The following ZCCHC7 variants were observed in gnomAD, a reference collection of about 807,000 sequenced individuals.
The protein encoded by ZCCHC7 is zinc finger CCHC domain-containing protein 7.
In ZCCHC7, 35 loss-of-function variants were observed where a neutral mutation model predicts 52.0. That is an observed-to-expected ratio of 0.67 (90% CI 0.51 to 0.89). The LOEUF (loss-of-function observed/expected upper bound fraction) is 0.89, where lower values mean the gene tolerates loss of function less well. Among genes scored for constraint, ZCCHC7 ranks in the 40% least tolerant of loss-of-function variants. ZCCHC7 has a pLI of 0.00. For synonymous variants in ZCCHC7, 217 were observed against 221.5 expected (o/e 0.98, Z 0.18); for missense variants, 574 against 649.1 (o/e 0.88, Z 1.26).
intron 2 of ZCCHC7, among the ~76,000 whole-genome samples, chr9:37,264,560 AAT>A (rs1292686753): frequency 6.6e-6 from 1 of 152,180 alleles, no homozygotes; most frequent in Admixed American, 6.5e-5. Context: ...TAAATAGTTA[AAT>A]ATTTGTTGCC....
intron 2 of ZCCHC7, among the ~76,000 whole-genome samples, chr9:37,174,607 T>C (rs1391300078): frequency 6.6e-6 from 1 of 152,166 alleles, no homozygotes; most frequent in Non-Finnish European, 1.5e-5. Context: ...AAGAATGTTA[T>C]AATATAACAA....
chr9:37,302,212 T>C lies in ZCCHC7; in HGVS notation c.635T>C (p.Ile212Thr). 1 of 1,608,800 alleles carries C rather than the reference T, an allele frequency of 6.2e-7. No individual in the cohort carries two copies. The highest frequency in any genetic ancestry group is 8.5e-7 in the Non-Finnish European group (1 of 1,176,996). Residue 212 changes from isoleucine (I) to threonine (T), a missense_variant, in exon 3 of 9, where the codon ATC becomes ACC. Physicochemically the swap from Ile to Thr is moderately conservative, Grantham distance 89. Coordinates refer to ENST00000336755, the MANE Select transcript of ZCCHC7 (RefSeq NM_032226.3). The part of the protein sequence containing the change: ...TEGEDGINWS[I>T]SDKDIEAQIA... ...GGAGAAGATGGTATAAACTGGTCCA[T>C]CAGTGACAAAGACATTGAGGTAAAA...
At chr9:37,321,058 G>A (rs1486151139) in intron 5 of ZCCHC7, among the ~76,000 whole-genome samples, 6 of 144,596 alleles carry the variant, frequency 4.1e-5, no homozygotes, top group East Asian at 2.0e-4. Flanking sequence ...GCGTAATCTC[G>A]GCTCACTGCA....
At chr9:37,244,817 A>G (rs544626457) in intron 2 of ZCCHC7, among the ~76,000 whole-genome samples, 1 of 151,856 alleles carries the variant, frequency 6.6e-6, no homozygotes, top group African/African-American at 2.4e-5. Context: ...ATTTTTTTTT[A>G]AGTCAGTAGT....
At chr9:37,161,436 A>C (rs13285455) in intron 2 of ZCCHC7, among the ~76,000 whole-genome samples, 3 of 151,862 alleles carry the variant, frequency 2.0e-5, no homozygotes, top group Non-Finnish European at 4.4e-5. Flanking sequence ...TTAGCCAGAC[A>C]TGGTGGCAGC....
At chr9:37,349,497 G>C (rs903320970) in intron 7 of ZCCHC7, 45 bp downstream of exon 7, 12 of 1,559,424 alleles carry the variant, frequency 7.7e-6, no homozygotes, top group Admixed American at 3.6e-5. Flanking sequence ...TGTTGTCAGG[G>C]AGTGTTTTCT....
intron 6 of ZCCHC7, among the ~76,000 whole-genome samples, chr9:37,338,891 A>AT (rs1830803807): frequency 6.6e-6 from 1 of 152,086 alleles, no homozygotes; most frequent in African/African-American, 2.4e-5. Flanking sequence ...TCTACGTAGC[A>AT]TGTGTGGCTT....
chr9:37,145,415 T>G (rs779431498), intron 2 of ZCCHC7, among the ~76,000 whole-genome samples: 7 of 151,966 alleles, frequency 4.6e-5, no homozygotes, highest in Non-Finnish European at 8.8e-5. Flanking sequence ...TTCTTAAGAT[T>G]GTATTTAGTT....
intron 2 of ZCCHC7, among the ~76,000 whole-genome samples, chr9:37,239,442 G>A (rs190194705): frequency 6.1e-4 from 93 of 152,202 alleles, no homozygotes; most frequent in African/African-American, 2.2e-3. Context: ...TGACCTTCAT[G>A]TTCTAGTCCT....
chr9:37,199,395 G>A (rs1481307279), intron 2 of ZCCHC7, among the ~76,000 whole-genome samples: 5 of 145,084 alleles, frequency 3.4e-5, no homozygotes, highest in Admixed American at 1.4e-4. Context: ...GCAATGGTGC[G>A]ATCTCAGCTC....
intron 2 of ZCCHC7, among the ~76,000 whole-genome samples, chr9:37,206,802 C>A (rs967553138): frequency 6.6e-6 from 1 of 152,118 alleles, no homozygotes; most frequent in Non-Finnish European, 1.5e-5. Context: ...GGCCAGGAAA[C>A]CTTCTCAATG....
chr9:37,163,192 T>C (rs1305777525), intron 2 of ZCCHC7, among the ~76,000 whole-genome samples: 1 of 151,412 alleles, frequency 6.6e-6, no homozygotes, highest in Non-Finnish European at 1.5e-5. Flanking sequence ...AGAGTGAGAC[T>C]CTGTCTCAAA....
Position 37,346,066 on chromosome 9 carries a change from G to A in ZCCHC7, c.988-3291G>A, listed in dbSNP as rs945892132. Among the ~76,000 whole-genome samples the A allele has an allele frequency of 8.5e-5, 13 of 152,052 alleles. No homozygotes were observed. In the South Asian group the frequency reaches 2.3e-3, roughly 27 times the overall value. ...TGCCCAGGCTAGAGTGCAATGGCAC[G>A]ATCTCTGCTCACTGCAACCTCCGCC... On this transcript the variant is annotated intron_variant, in intron 6 of 8. Coordinates refer to ENST00000336755, the MANE Select transcript of ZCCHC7 (RefSeq NM_032226.3).
chr9:37,238,939 C>A (rs534378707), intron 2 of ZCCHC7, among the ~76,000 whole-genome samples: 6 of 152,084 alleles, frequency 3.9e-5, no homozygotes, highest in African/African-American at 1.2e-4. Flanking sequence ...TAAACAAATT[C>A]TCTGGTTATT....
rs151003179 is a variant in ZCCHC7 at position 37,271,613 on chromosome 9, A to G, written c.611-30575A>G. ...GAGACATAGTCTTGCACTGTTGCCC[A>G]GGCTAGAGTGCAGTGGCACAATCTC... On this transcript the variant is annotated intron_variant, in intron 2 of 8. Coordinates refer to ENST00000336755, the MANE Select transcript of ZCCHC7 (RefSeq NM_032226.3). 2.1e-3 allele frequency among the ~76,000 whole-genome samples: 323 copies of G among 152,330 alleles called. 3 individuals carry two copies. Among genetic ancestry groups the G allele is most frequent in the South Asian group, 0.021 (101 of 4,824 alleles).
At chr9:37,297,670 C>T (rs890627844) in intron 2 of ZCCHC7, among the ~76,000 whole-genome samples, 2 of 152,196 alleles carry the variant, frequency 1.3e-5, no homozygotes, top group East Asian at 3.8e-4. Flanking sequence ...GATTCTTAGT[C>T]TCTGGCACCT....
intron 2 of ZCCHC7, among the ~76,000 whole-genome samples, chr9:37,143,371 T>C (rs1229091640): frequency 2.0e-5 from 3 of 151,780 alleles, no homozygotes; most frequent in Non-Finnish European, 4.4e-5. Flanking sequence ...TGGAAACTGT[T>C]TTAGCTTTAG....
chr9:37,239,262 ATATT>A (rs1297637817), intron 2 of ZCCHC7, among the ~76,000 whole-genome samples: 4 of 152,186 alleles, frequency 2.6e-5, no homozygotes, highest in Admixed American at 6.5e-5. Flanking sequence ...CATTATCTAA[ATATT>A]TATATAAAGC....
At chr9:37,346,879 T>C (rs1821008511) in intron 6 of ZCCHC7, among the ~76,000 whole-genome samples, 10 of 152,056 alleles carry the variant, frequency 6.6e-5, no homozygotes, top group Admixed American at 5.9e-4. Context: ...TCCTGTGGTC[T>C]CAGCTACCTG....
Sources: gnomAD v4.1 joint callset for allele counts (sites outside exome capture counted in the v4.1 genomes callset) on GRCh38, gnomAD v4.1.1 for gene constraint, MANE v1.5 for transcripts, NCBI Gene and HGNC (gene_info 2026-07-23, HGNC 2026-07-21) for gene names.